The following USP31 variants were observed in gnomAD, a reference collection of about 807,000 sequenced individuals.
USP31 encodes ubiquitin carboxyl-terminal hydrolase 31.
In USP31, 44 loss-of-function variants were observed where a neutral mutation model predicts 119.4. That is an observed-to-expected ratio of 0.37 (90% CI 0.29 to 0.47). The LOEUF is 0.47. Ranked by LOEUF, USP31 falls within the 20% of genes least tolerant of loss-of-function variation. USP31 has a pLI of 0.99. For missense variants in USP31, 1,643 were observed against 1,730.2 expected, an observed-to-expected ratio of 0.95 and a Z score of 0.89; for synonymous variants, 749 against 705.6, an observed-to-expected ratio of 1.06 and a Z score of -0.97.
At chr16:23,098,602 T>C (rs1253820167) in intron 6 of USP31, among the ~76,000 whole-genome samples, 1 of 152,148 alleles carries the variant, frequency 6.6e-6, no homozygotes, top group Non-Finnish European at 1.5e-5. Context: ...CAAAACAGCA[T>C]GGTACTGGTA....
intron 13 of USP31, among the ~76,000 whole-genome samples, chr16:23,076,507 C>G (rs1900582511): frequency 6.6e-6 from 1 of 152,116 alleles, no homozygotes; most frequent in Non-Finnish European, 1.5e-5. Context: ...CTTCCTGGCT[C>G]ACTAACATGG....
Position 23,082,829 on chromosome 16 carries a change from C to CTTTTTTTTTTTTT in USP31, c.1831-273_1831-272insAAAAAAAAAAAAA, listed in dbSNP as rs1388989158. ...GTTAAATATGTTACTTTCTTTCTCT[C>CTTTTTTTTTTTTT]TCTTTTTTTTTTTTTTTTTGAAACA... On this transcript the variant is annotated intron_variant, in intron 11 of 15. Coordinates refer to ENST00000219689, the MANE Select transcript of USP31 (RefSeq NM_020718.4). 3.4e-4 allele frequency among the ~76,000 whole-genome samples: 39 copies of CTTTTTTTTTTTTT among 116,390 alleles called. 1 individual carries two copies. Among genetic ancestry groups the CTTTTTTTTTTTTT allele is most frequent in the South Asian group, 1.4e-3 (5 of 3,642 alleles). 76.4% of individuals were successfully genotyped at this position (116,390 alleles called of 152,430 possible).
chr16:23,139,944 TGTA>T (rs1453252994), intron 1 of USP31, among the ~76,000 whole-genome samples: 3 of 152,184 alleles, frequency 2.0e-5, no homozygotes, highest in African/African-American at 7.2e-5. Context: ...CTACGCCTCT[TGTA>T]GTTTTCTTAA....
chr16:23,096,777 G>C (rs1331591148), intron 6 of USP31, among the ~76,000 whole-genome samples: 1 of 152,172 alleles, frequency 6.6e-6, no homozygotes, highest in Non-Finnish European at 1.5e-5. Context: ...CAGAAATAAA[G>C]ATGTTCTTTG....
chr16:23,074,867 T>C (rs1900495495), intron 13 of USP31, among the ~76,000 whole-genome samples: 1 of 152,198 alleles, frequency 6.6e-6, no homozygotes. Flanking sequence ...GAAAAGTACA[T>C]TATGATCACA....
chr16:23,078,826 C>T (rs1900697461), intron 13 of USP31, among the ~76,000 whole-genome samples: 1 of 152,114 alleles, frequency 6.6e-6, no homozygotes, highest in Non-Finnish European at 1.5e-5. Flanking sequence ...GAGAAAAACA[C>T]GTCAAGTATA....
At position 23,098,903 on chromosome 16, in the gene USP31, T is replaced by C. The variant is rs1015757175; in HGVS notation, c.1234+3416A>G. On this transcript the variant is annotated intron_variant, in intron 6 of 15. Transcript: ENST00000219689. ...AACCTAGGCAGTATCTTTAGGGACA[T>C]AGGCATGAGCAAGGGCTTCATGACT... 1.2e-4 allele frequency among the ~76,000 whole-genome samples: 19 copies of C among 152,310 alleles called. No homozygotes were observed. The Middle Eastern group carries it at 0.014, about 109-fold the overall frequency.
Position 23,087,797 on chromosome 16 carries a change from A to G in USP31, c.1454T>C (p.Ile485Thr). ...TTCCTTCTGCAGAAGGTCCCAAGCT[A>G]TTGTCTTCTCTAAGTGCAGCACAAA... ...LPFVLHLEKT[I>T]AWDLLQKEIL... The change falls in exon 8 of 16, where the codon ATA (isoleucine) becomes ACA (threonine). Residue 485 changes from isoleucine to threonine, a missense_variant. Coordinates refer to ENST00000219689, the MANE Select transcript of USP31 (RefSeq NM_020718.4). 6.2e-7 allele frequency: 1 copy of G among 1,614,034 alleles called. No individual in the cohort carries two copies. Among genetic ancestry groups the G allele is most frequent in the South Asian group, 1.1e-5 (1 of 91,078 alleles).
At position 23,068,483 on chromosome 16, in the gene USP31, T is replaced by C; in HGVS notation, c.3622A>G (p.Ser1208Gly). Residue 1208 changes from serine (S) to glycine (G), a missense_variant, in exon 16 of 16, where the codon AGC becomes GGC. Ser to Gly is a moderately conservative substitution (Grantham distance 56). Around this residue, in one of 5 missense-constraint regions of USP31, gnomAD observed 699 missense variants for 650.9 expected, o/e 1.07. Coordinates refer to ENST00000219689, the MANE Select transcript of USP31 (RefSeq NM_020718.4). Reference sequence around the variant, plus strand: ...TTCAAACCAGACTTGATGCTTGTGCTGGGGGAGCGCAGGCTGGCCATGGAG... The same window carrying C: ...TTCAAACCAGACTTGATGCTTGTGCCGGGGGAGCGCAGGCTGGCCATGGAG... ...SSSMASLRSPSTSIKSGLKRD... is the reference protein window; with the variant it reads ...SSSMASLRSPGTSIKSGLKRD... 1 of 1,613,490 alleles carries C rather than the reference T, an allele frequency of 6.2e-7. No homozygotes were observed. The highest frequency in any genetic ancestry group is 1.1e-5 in the South Asian group (1 of 91,070).
At chr16:23,070,591 G>A (rs1261743725) in intron 15 of USP31, among the ~76,000 whole-genome samples, 1 of 152,026 alleles carries the variant, frequency 6.6e-6, no homozygotes, top group Non-Finnish European at 1.5e-5. Flanking sequence ...GCAGGTGCCT[G>A]TAGTCCCAGC....
intron 11 of USP31, 62 bp downstream of exon 11, chr16:23,084,798 A>G: frequency 6.3e-7 from 1 of 1,594,590 alleles, no homozygotes; most frequent in South Asian, 1.1e-5. Context: ...CTCCACTATC[A>G]CCTTGCCATG....
chr16:23,105,434 T>G lies in USP31; in HGVS notation c.1089+7A>C. The G allele has an allele frequency of 1.2e-6, 2 of 1,611,414 alleles. No individual in the cohort carries two copies. The highest frequency in any genetic ancestry group is 1.7e-6 in the Non-Finnish European group (2 of 1,178,950). On this transcript the variant is annotated splice_region_variant and intron_variant, in intron 5 of 15. Coordinates refer to ENST00000219689, the MANE Select transcript of USP31 (RefSeq NM_020718.4). ...TCATGTGTAACTGGTCTTAGCAGAC[T>G]TATTACCTGATCAGTGGGGATCTTT...
intron 1 of USP31, among the ~76,000 whole-genome samples, chr16:23,121,995 C>T (rs757958115): frequency 2.2e-4 from 34 of 151,926 alleles, no homozygotes; most frequent in Non-Finnish European, 3.5e-4. Flanking sequence ...GTCTTTATGA[C>T]GAAAATTACT....
At chr16:23,127,625 C>T (rs1902902356) in intron 1 of USP31, among the ~76,000 whole-genome samples, 3 of 150,802 alleles carry the variant, frequency 2.0e-5, no homozygotes, top group South Asian at 4.2e-4. Flanking sequence ...TACCACTGCG[C>T]CTGGCTAATT....
At chr16:23,123,562 T>C (rs1026812810) in intron 1 of USP31, among the ~76,000 whole-genome samples, 1 of 151,750 alleles carries the variant, frequency 6.6e-6, no homozygotes, top group Non-Finnish European at 1.5e-5. Context: ...ATAAATAAAA[T>C]AAAAAATAAG....
intron 1 of USP31, among the ~76,000 whole-genome samples, chr16:23,140,732 A>G (rs1484508624): frequency 1.3e-5 from 2 of 152,108 alleles, no homozygotes; most frequent in East Asian, 3.9e-4. Context: ...ACTATTTAAC[A>G]TATCTGAACC....
chr16:23,092,761 C>A lies in USP31; in HGVS notation c.1235-1957G>T, dbSNP rs13338032. ...AGAAAATATTGTAAATATGAGTAGA[C>A]CAGAGAAAACTGAATTGTAAGCTGG... is the stretch of plus-strand genomic sequence containing the variant. On this transcript the variant is annotated intron_variant, in intron 6 of 15. Transcript: ENST00000219689. 9.3e-3 allele frequency among the ~76,000 whole-genome samples: 1,414 copies of A among 152,038 alleles called. 18 individuals carry two copies. The highest frequency in any genetic ancestry group is 0.03 in the African/African-American group (1,229 of 41,430).
rs566564935 is a variant in USP31, at chr16:23,090,905, G to A, written c.1235-101C>T. 137 of 1,123,062 alleles carry A rather than the reference G, an allele frequency of 1.2e-4. No homozygotes were observed. In the Middle Eastern group the frequency reaches 1.6e-3, roughly 13 times the overall value. 69.6% of individuals were successfully genotyped at this position (1,123,062 alleles called of 1,614,324 possible). ...AACAGAGAAAATTTTTTTTAAAAAT[G>A]TCATTATGTAAATTAAACTGCAATC... On this transcript the variant is annotated intron_variant, in intron 6 of 15. Coordinates refer to ENST00000219689, the MANE Select transcript of USP31 (RefSeq NM_020718.4).
At chr16:23,088,314 A>C (rs1327963021) in intron 7 of USP31, among the ~76,000 whole-genome samples, 1 of 152,232 alleles carries the variant, frequency 6.6e-6, no homozygotes. Context: ...ACAGAGTCCA[A>C]GCAGTACTGT....
Sources: gnomAD v4.1 joint callset for allele counts (sites outside exome capture counted in the v4.1 genomes callset) on GRCh38, gnomAD v4.1.1 for gene constraint, gnomAD v4.1.1 regional missense constraint, MANE v1.5 for transcripts, NCBI Gene and HGNC (gene_info 2026-07-23, HGNC 2026-07-21) for gene names.